Variants in PTPN20 observed in about 807,000 individuals in gnomAD.
PTPN20 encodes tyrosine-protein phosphatase non-receptor type 20.
In PTPN20, 9 loss-of-function variants were observed where a neutral mutation model predicts 35.0. The ratio of observed to expected loss-of-function variants is 0.26; its 90% confidence interval spans 0.15 to 0.45. The LOEUF (loss-of-function observed/expected upper bound fraction) is 0.45. Ranked by LOEUF, PTPN20 falls within the 20% of genes least tolerant of loss-of-function variation. The pLI is 1.00. For synonymous variants in PTPN20, 32 were observed against 100.2 expected (o/e 0.32, Z 4.06); for missense variants, 111 against 312.5 (o/e 0.36, Z 4.86).
intron 9 of PTPN20, among the ~76,000 whole-genome samples, chr10:46,995,536 A>G (rs2058945833): frequency 1.3e-5 from 2 of 152,088 alleles, no homozygotes; most frequent in Non-Finnish European, 2.9e-5. Context: ...TGTGCAATGT[A>G]TCTTCTGCAA....
intron 1 of PTPN20, among the ~76,000 whole-genome samples, chr10:46,923,292 C>T (rs1743635700): frequency 1.4e-5 from 2 of 145,078 alleles, no homozygotes; most frequent in South Asian, 2.1e-4. Flanking sequence ...TTTGTTTTCC[C>T]TTCTTTTAAG....
At chr10:46,947,369 T>G (rs1318432222) in intron 5 of PTPN20, among the ~76,000 whole-genome samples, 1 of 151,026 alleles carries the variant, frequency 6.6e-6, no homozygotes, top group Non-Finnish European at 1.5e-5. Context: ...AATGACTTTA[T>G]TTGAAAAATG....
At chr10:46,997,589 T>C (rs2059348112) in intron 9 of PTPN20, among the ~76,000 whole-genome samples, 1 of 151,438 alleles carries the variant, frequency 6.6e-6, no homozygotes, top group Middle Eastern at 3.4e-3. Flanking sequence ...TAAAATTTTA[T>C]GTTTTGTGAA....
intron 9 of PTPN20, among the ~76,000 whole-genome samples, chr10:46,992,313 G>A (rs1555177428): frequency 6.6e-6 from 1 of 151,722 alleles, no homozygotes; most frequent in African/African-American, 2.4e-5. Flanking sequence ...AGTAGAGATG[G>A]GGTTTCACCA....
At chr10:46,994,160 G>A (rs1273934846) in intron 9 of PTPN20, among the ~76,000 whole-genome samples, 3 of 151,774 alleles carry the variant, frequency 2.0e-5, no homozygotes, top group Non-Finnish European at 4.4e-5. Context: ...TCTGTTGAGA[G>A]TCAATTGTCA....
rs1196407018 is a variant in PTPN20 at position 46,981,129 on chromosome 10, A to C, written c.584-3101A>C. Among the ~76,000 whole-genome samples the C allele has an allele frequency of 3.3e-5, 5 of 149,884 alleles. No individual in the cohort carries two copies. In the Admixed American group the frequency reaches 3.3e-4, roughly 10 times the overall value. The stretch of plus-strand genomic sequence containing the variant: ...TTGGTGACAATAAGGTCTGGGGAAG[A>C]GGCACGTGAATAGATCTTGCTAGAT... On this transcript the variant is annotated intron_variant, in intron 7 of 10. Coordinates refer to ENST00000374339, the MANE Select transcript of PTPN20 (RefSeq NM_001042357.5).
At chr10:46,935,698 A>G (rs2041365606) in intron 2 of PTPN20, among the ~76,000 whole-genome samples, 1 of 149,798 alleles carries the variant, frequency 6.7e-6, no homozygotes, top group Non-Finnish European at 1.5e-5. Context: ...TTCTTTATCC[A>G]TTCCACTGTT....
intron 1 of PTPN20, among the ~76,000 whole-genome samples, chr10:46,923,987 A>G (rs2132507956): frequency 6.6e-6 from 1 of 152,314 alleles, no homozygotes; most frequent in East Asian, 1.9e-4. Context: ...TTCCAATTCC[A>G]ATTGTTAATT....
intron 7 of PTPN20, among the ~76,000 whole-genome samples, chr10:46,983,232 G>A (rs1469985805): frequency 2.0e-5 from 3 of 151,910 alleles, no homozygotes; most frequent in Non-Finnish European, 2.9e-5. Context: ...GTGAGCCACC[G>A]CGCCTGGCTG....
chr10:46,926,734 CA>C (rs2037546965), intron 1 of PTPN20, among the ~76,000 whole-genome samples: 1 of 151,646 alleles, frequency 6.6e-6, no homozygotes, highest in Admixed American at 6.6e-5. Flanking sequence ...GCAAAATCAA[CA>C]AGGGATATCA....
intron 5 of PTPN20, chr10:46,947,972 G>T (rs1247337896): frequency 6.6e-6 from 3 of 453,544 alleles, no homozygotes; most frequent in East Asian, 1.4e-4. Context: ...ATCTAGGAGT[G>T]GGATTGCTGG....
chr10:46,957,465 G>C (rs1238521617), intron 5 of PTPN20, among the ~76,000 whole-genome samples: 1 of 151,920 alleles, frequency 6.6e-6, no homozygotes, highest in African/African-American at 2.4e-5. Context: ...GCCAGGCATG[G>C]TGGCTCATGC....
intron 5 of PTPN20, among the ~76,000 whole-genome samples, chr10:46,952,796 C>T (rs2047089324): frequency 6.6e-6 from 1 of 151,916 alleles, no homozygotes; most frequent in South Asian, 2.1e-4. Context: ...ACGTATTCCT[C>T]GTTACTCCAT....
intron 9 of PTPN20, among the ~76,000 whole-genome samples, chr10:46,993,185 G>A: frequency 6.6e-6 from 1 of 152,326 alleles, no homozygotes; most frequent in East Asian, 1.9e-4. Flanking sequence ...AGCAGTGGGG[G>A]TGGTGGGAAG....
intron 4 of PTPN20, among the ~76,000 whole-genome samples, chr10:46,945,635 C>G (rs2044511705): frequency 6.6e-6 from 1 of 152,142 alleles, no homozygotes; most frequent in African/African-American, 2.4e-5. Flanking sequence ...AGAATTTTCT[C>G]TAAACATTGA....
chr10:46,994,534 C>T (rs1555179499), intron 9 of PTPN20, among the ~76,000 whole-genome samples: 1 of 151,858 alleles, frequency 6.6e-6, no homozygotes, highest in Non-Finnish European at 1.5e-5. Flanking sequence ...CGGGGTTTCA[C>T]CGTGTTAGCC....
At chr10:46,925,965 A>C (rs1589217730) in intron 1 of PTPN20, 1 of 983,812 alleles carries the variant, frequency 1.0e-6, no homozygotes, top group Admixed American at 6.2e-5. Context: ...ACTTCTTTTC[A>C]TTTTCTTAGT....
At chr10:46,929,962 G>GCC (rs2039026072) in intron 1 of PTPN20, among the ~76,000 whole-genome samples, 1 of 144,350 alleles carries the variant, frequency 6.9e-6, no homozygotes, top group Non-Finnish European at 1.5e-5. Flanking sequence ...TGAATTAAAT[G>GCC]TTAATGATTT....
rs545035462 is a variant in PTPN20, at chr10:46,923,154, A to T, written c.-123-9223A>T. ...GGTTTAAATTGTGTGAGACAGTTGA[A>T]TCGTGCTGTCCAAGGATTTCTGGCA... On this transcript the variant is annotated intron_variant, in intron 1 of 10. Coordinates refer to ENST00000374339, the MANE Select transcript of PTPN20 (RefSeq NM_001042357.5). Among the ~76,000 whole-genome samples, 4 of 143,794 alleles carry T rather than the reference A, an allele frequency of 2.8e-5. No individual in the cohort carries two copies. In the East Asian group the frequency reaches 7.9e-4, roughly 28 times the overall value. The allele number at this position is 143,794 out of a possible 152,430, so 94.3% of individuals were successfully genotyped here. A position where few individuals can be genotyped will look rare whatever the true frequency, so the allele number is the denominator to read the frequency against.
Sources: allele counts gnomAD v4.1 joint callset (sites outside exome capture counted in the v4.1 genomes callset), GRCh38; gene constraint gnomAD v4.1.1; transcripts MANE v1.5; gene names NCBI Gene and HGNC (gene_info 2026-07-23, HGNC 2026-07-21).